The following KDM2B variants were observed in gnomAD, a reference collection of about 807,000 sequenced individuals.
KDM2B encodes lysine demethylase 2B, also known as lysine-specific demethylase 2B.
In KDM2B, 26 loss-of-function variants were observed where a neutral mutation model predicts 150.0. That is an observed-to-expected ratio of 0.17 (90% confidence interval 0.13 to 0.24). The LOEUF (loss-of-function observed/expected upper bound fraction) is 0.24, where lower values mean the gene tolerates loss of function less well. KDM2B is among the 10% of genes least tolerant of loss of function. The probability of loss-of-function intolerance (pLI) is 1.00; values close to 1 mark genes in which losing one functional copy is unlikely to be tolerated. For missense variants in KDM2B, 1,265 were observed against 1,816.9 expected, an observed-to-expected ratio of 0.70 and a Z score of 5.52; for synonymous variants, 734 against 729.5, an observed-to-expected ratio of 1.01 and a Z score of -0.10.
Position 121,475,122 on chromosome 12 carries a change from C to T in KDM2B, c.1734+19457G>A, listed in dbSNP as rs568552066. On this transcript the variant is annotated intron_variant, in intron 12 of 22. Coordinates refer to ENST00000377071, the MANE Select transcript of KDM2B (RefSeq NM_032590.5). ...AGGTTTGTATAAGGACATTCTATGA[C>T]GAAATTGCCTAATGATGCATTCTTC... is the stretch of plus-strand genomic sequence containing the variant. 1.5e-4 allele frequency among the ~76,000 whole-genome samples: 23 copies of T among 151,470 alleles called. No homozygotes were observed. In the South Asian group the frequency reaches 4.0e-3, roughly 26 times the overall value.
In KDM2B at chr12:121,547,645, C is replaced by CT. The variant is rs55686141; in HGVS notation, c.683+1231dup. On this transcript the variant is annotated intron_variant, in intron 6 of 22. Coordinates refer to ENST00000377071, the MANE Select transcript of KDM2B (RefSeq NM_032590.5). ...GACAGCCTGTGTCTCCTTCCCCTTC[C>CT]TTTTTTTTTTTTTTTTTTTTTTGAG... Among the ~76,000 whole-genome samples the CT allele has an allele frequency of 3.6e-3, 292 of 80,218 alleles. 2 individuals are homozygous for CT. The highest frequency in any genetic ancestry group is 1.0e-2 in the South Asian group (24 of 2,404). 52.6% of individuals were successfully genotyped at this position (80,218 alleles called of 152,430 possible). A position where few individuals can be genotyped will look rare whatever the true frequency, so the allele number is the denominator to read the frequency against.
intron 9 of KDM2B, among the ~76,000 whole-genome samples, chr12:121,514,484 T>C (rs1487692240): frequency 2.0e-5 from 3 of 151,734 alleles, no homozygotes; most frequent in African/African-American, 4.9e-5. Flanking sequence ...ACGCCACTGA[T>C]GGACCCAACA....
chr12:121,490,428 T>G (rs1001701966), intron 12 of KDM2B, among the ~76,000 whole-genome samples: 12 of 152,082 alleles, frequency 7.9e-5, no homozygotes, highest in Non-Finnish European at 1.8e-4. Context: ...GCTGGCAGGG[T>G]CCACAGGCTG....
At chr12:121,564,702 C>G (rs1050894501) in intron 4 of KDM2B, among the ~76,000 whole-genome samples, 3 of 152,122 alleles carry the variant, frequency 2.0e-5, no homozygotes, top group Non-Finnish European at 4.4e-5. Flanking sequence ...TCCTGTTGAT[C>G]CACAAAATCA....
intron 11 of KDM2B, among the ~76,000 whole-genome samples, chr12:121,494,999 C>CTT (rs71079074): frequency 0.055 from 7,629 of 138,566 alleles, 229 homozygotes; most frequent in Middle Eastern, 0.079. Context: ...CAAACTTTTT[C>CTT]TTTTTTTTTT....
rs1413512732 is a variant in KDM2B at position 121,567,669 on chromosome 12, G to A, written c.397+6878C>T. Among the ~76,000 whole-genome samples the A allele has an allele frequency of 6.6e-5, 10 of 151,632 alleles. No individual in the cohort carries two copies. In the East Asian group the frequency reaches 7.7e-4, roughly 12 times the overall value. ...CCACAGCTGCTGCCACTTTGATCTC[G>A]GATTCCTTGCCTCCAGAATTGTCAG... On this transcript the variant is annotated intron_variant, in intron 4 of 22. Transcript: ENST00000377071.
intron 10 of KDM2B, among the ~76,000 whole-genome samples, chr12:121,512,301 A>T (rs1161048771): frequency 1.3e-5 from 2 of 152,056 alleles, no homozygotes; most frequent in Non-Finnish European, 2.9e-5. Context: ...CCTCACAGGC[A>T]AAGACTTCCC....
intron 11 of KDM2B, among the ~76,000 whole-genome samples, chr12:121,506,858 C>A (rs1345493267): frequency 6.6e-6 from 1 of 152,210 alleles, no homozygotes; most frequent in Non-Finnish European, 1.5e-5. Context: ...ATCACTTGAA[C>A]CCCAGAGGTG....
In KDM2B at chr12:121,444,233, G is replaced by A; in HGVS notation, c.2230C>T (p.Pro744Ser). 6.2e-7 allele frequency: 1 copy of A among 1,613,814 alleles called. No homozygotes were observed. Among genetic ancestry groups the A allele is most frequent in the Non-Finnish European group, 8.5e-7 (1 of 1,180,050 alleles). The stretch of plus-strand genomic sequence containing the variant: ...TTCTGCTCCTTGAGCAGGGAGCCGG[G>A]CAGGTTGGAGGCGTACTTAAAGCCA... ...GPGFKYASNL[P>S]GSLLKEQKMN... The change falls in exon 16 of 23, where the codon CCC (proline) becomes TCC (serine). Residue 744 changes from proline to serine, a missense_variant. By Grantham distance (74) the Pro-to-Ser change is moderately conservative (BLOSUM62 -1). Around this residue, in one of 11 missense-constraint regions of KDM2B, gnomAD observed 38 missense variants for 98.1 expected, o/e 0.39. Coordinates refer to ENST00000377071, the MANE Select transcript of KDM2B (RefSeq NM_032590.5).
At position 121,442,150 on chromosome 12, in the gene KDM2B, C is replaced by T. The variant is rs1186054916; in HGVS notation, c.3284+7G>A. 7 of 1,613,030 alleles carry T rather than the reference C, an allele frequency of 4.3e-6. No individual in the cohort carries two copies. On this transcript the variant is annotated splice_region_variant and intron_variant, in intron 19 of 22. Coordinates refer to ENST00000377071, the MANE Select transcript of KDM2B (RefSeq NM_032590.5). The surrounding 1 kb of genome is among the most constrained non-coding windows in gnomAD (Gnocchi z 7.7). The stretch of plus-strand genomic sequence containing the variant: ...TAACCTAGAGCCCTACACAGGCCGC[C>T]GCTCACCAGCGGTTCCAGGTCCTGC...
chr12:121,441,139 C>T lies in KDM2B; in HGVS notation c.3379G>A (p.Val1127Ile), dbSNP rs1349703563. ...TTGGTCCAGCTGAGGTCGAGGGAGACGGGCTGTCGCCGGATGATGCCACTC... is the reference window on the plus strand; with the variant it reads ...TTGGTCCAGCTGAGGTCGAGGGAGATGGGCTGTCGCCGGATGATGCCACTC... ...MLSGIIRRQP[V>I]SLDLSWTNIS... is the part of the protein sequence containing the mutation. Residue 1127 changes from valine (V) to isoleucine (I), a missense_variant, in exon 20 of 23, where the codon GTC becomes ATC. Val to Ile is a conservative substitution (Grantham distance 29). Coordinates refer to ENST00000377071, the MANE Select transcript of KDM2B (RefSeq NM_032590.5). 31 of 1,614,106 alleles carry T rather than the reference C, an allele frequency of 1.9e-5. No homozygotes were observed. The highest frequency in any genetic ancestry group is 1.6e-4 in the Middle Eastern group (1 of 6,084).
At chr12:121,417,915 C>G in the KDM2B span, 1 of 1,611,722 alleles carries the variant, frequency 6.2e-7, no homozygotes, top group Non-Finnish European at 8.5e-7. This position sits in a 1 kb window ranked among gnomAD's most constrained non-coding sequence, Gnocchi z 5.0. Context: ...GGCACAGGTA[C>G]GAGGGGGTAA....
intron 4 of KDM2B, among the ~76,000 whole-genome samples, chr12:121,558,399 G>C (rs1555313106): frequency 6.6e-6 from 1 of 151,926 alleles, no homozygotes. Context: ...GGACAGCACG[G>C]CTCAACACAG....
rs1029384654 is a variant in KDM2B, at chr12:121,520,485, A to T, written c.1047+500T>A. Reference sequence around the variant, plus strand: ...CCTCAGCAGACATGGAGACTACCTCAGAGACAGTACCCAGGGGGACTCAGG... The same window carrying T: ...CCTCAGCAGACATGGAGACTACCTCTGAGACAGTACCCAGGGGGACTCAGG... On this transcript the variant is annotated intron_variant, in intron 9 of 22. Coordinates refer to ENST00000377071, the MANE Select transcript of KDM2B (RefSeq NM_032590.5). The surrounding 1 kb of genome is among the most constrained non-coding windows in gnomAD (Gnocchi z 4.5). Among the ~76,000 whole-genome samples, 1 of 152,120 alleles carries T rather than the reference A, an allele frequency of 6.6e-6. No individual in the cohort carries two copies. Among genetic ancestry groups the T allele is most frequent in the African/African-American group, 2.4e-5 (1 of 41,432 alleles).
chr12:121,438,742 A>G (rs1295007427), intron 22 of KDM2B, among the ~76,000 whole-genome samples: 1 of 152,130 alleles, frequency 6.6e-6, no homozygotes, highest in Admixed American at 6.5e-5. Flanking sequence ...TGCAGAGGAG[A>G]AAACAACGTG....
intron 10 of KDM2B, among the ~76,000 whole-genome samples, chr12:121,512,984 T>C (rs1670649243): frequency 6.6e-6 from 1 of 152,214 alleles, no homozygotes; most frequent in African/African-American, 2.4e-5. Flanking sequence ...CTCTGTGGGG[T>C]GATCCCGTTT....
intron 8 of KDM2B, among the ~76,000 whole-genome samples, chr12:121,525,098 C>T (rs1887014522): frequency 1.3e-5 from 2 of 152,176 alleles, no homozygotes; most frequent in African/African-American, 4.8e-5. Context: ...CTTCTTTCAC[C>T]GACATCAGTG....
intron 14 of KDM2B, 89 bp downstream of exon 14, chr12:121,445,186 C>T (rs1046180217): frequency 4.6e-5 from 68 of 1,466,350 alleles, no homozygotes; most frequent in Non-Finnish European, 5.5e-5. Flanking sequence ...ATTCACTGCA[C>T]GACCTGCATC....
chr12:121,424,917 T>A (rs1555284049), downstream of KDM2B, among the ~76,000 whole-genome samples: 1 of 152,180 alleles, frequency 6.6e-6, no homozygotes. Flanking sequence ...TCTGAGAAGT[T>A]AGACTTGTCT....
Sources: allele counts gnomAD v4.1 joint callset (sites outside exome capture counted in the v4.1 genomes callset), GRCh38; gene constraint gnomAD v4.1.1; regional missense constraint gnomAD v4.1.1; non-coding constraint Gnocchi (gnomAD v3.1); transcripts MANE v1.5; gene names NCBI Gene and HGNC (gene_info 2026-07-23, HGNC 2026-07-21).